Variants in STK31 observed in about 807,000 individuals in gnomAD.
STK31 encodes the protein serine/threonine kinase 31.
In STK31, 89 loss-of-function variants were observed where a neutral mutation model predicts 129.7. The ratio of observed to expected loss-of-function variants is 0.69; its 90% confidence interval spans 0.58 to 0.82. The LOEUF is 0.82. STK31 is among the 40% of genes least tolerant of loss of function. The pLI, the probability that STK31 is intolerant of heterozygous loss-of-function variation, is 0.00. For missense variants in STK31, 1,187 were observed against 1,176.4 expected, an observed-to-expected ratio of 1.01 and a Z score of -0.13; for synonymous variants, 448 against 395.3, an observed-to-expected ratio of 1.13 and a Z score of -1.58.
intron 22 of STK31, among the ~76,000 whole-genome samples, chr7:23,808,341 A>G (rs1792852127): frequency 1.3e-5 from 2 of 151,656 alleles, no homozygotes; most frequent in Non-Finnish European, 2.9e-5. Flanking sequence ...TCAGCACTTT[A>G]TTGAGTTCTT....
chr7:23,826,843 T>C (rs1447443819), intron 23 of STK31, among the ~76,000 whole-genome samples: 1 of 152,192 alleles, frequency 6.6e-6, no homozygotes, highest in Non-Finnish European at 1.5e-5. Context: ...TATTTCTCCT[T>C]CATTTATGAA....
Position 23,735,711 on chromosome 7 carries a change from C to A in STK31, c.657C>A (p.Asp219Glu). 6.2e-7 allele frequency: 1 copy of A among 1,614,016 alleles called. No homozygotes were observed. Among genetic ancestry groups the A allele is most frequent in the Non-Finnish European group, 8.5e-7 (1 of 1,180,020 alleles). ...AEKCRLASRT[D>E]ICEEKKLDPG... The stretch of plus-strand genomic sequence containing the variant: ...AATGCAGACTTGCTTCCAGAACTGA[C>A]ATCTGTGAGGAAAAAAAATTGGATC... Residue 219 changes from aspartate (D) to glutamate (E), a missense_variant, in exon 7 of 24, where the codon GAC becomes GAA. Physicochemically the swap from Asp to Glu is conservative, Grantham distance 45. Coordinates refer to ENST00000355870, the MANE Select transcript of STK31 (RefSeq NM_031414.5).
At chr7:23,808,909 T>A (rs1338361430) in intron 22 of STK31, among the ~76,000 whole-genome samples, 1 of 144,412 alleles carries the variant, frequency 6.9e-6, no homozygotes, top group East Asian at 2.1e-4. Flanking sequence ...TTCCCAGTCC[T>A]GTGGCTACAG....
At chr7:23,821,817 A>T (rs1190974846) in intron 23 of STK31, among the ~76,000 whole-genome samples, 1 of 152,028 alleles carries the variant, frequency 6.6e-6, no homozygotes, top group East Asian at 1.9e-4. Flanking sequence ...TCAATCTTGA[A>T]TTGATTTTTA....
At chr7:23,817,144 TGCCATTGC>T (rs1793515627) in intron 23 of STK31, among the ~76,000 whole-genome samples, 1 of 151,978 alleles carries the variant, frequency 6.6e-6, no homozygotes, top group South Asian at 2.1e-4. Flanking sequence ...GCCGAGATTG[TGCCATTGC>T]ACTCCAGCCT....
intron 8 of STK31, among the ~76,000 whole-genome samples, chr7:23,738,303 G>A (rs117139140): frequency 0.031 from 4,678 of 152,276 alleles, 142 homozygotes; most frequent in Middle Eastern, 0.037. Context: ...CCCTTTCTGA[G>A]TGTGCCACCC....
intron 22 of STK31, among the ~76,000 whole-genome samples, chr7:23,806,870 A>G (rs1792742486): frequency 6.8e-6 from 1 of 146,390 alleles, no homozygotes; most frequent in African/African-American, 2.5e-5. Context: ...ACTGCACTCC[A>G]GCCTGGGTGA....
chr7:23,805,850 T>C (rs1333807620), intron 22 of STK31, among the ~76,000 whole-genome samples: 1 of 152,230 alleles, frequency 6.6e-6, no homozygotes, highest in East Asian at 1.9e-4. Flanking sequence ...CCTCCCTTGG[T>C]GAGAGCACAT....
chr7:23,753,895 C>T (rs1788882157), intron 9 of STK31, among the ~76,000 whole-genome samples: 1 of 152,072 alleles, frequency 6.6e-6, no homozygotes, highest in Admixed American at 6.6e-5. Flanking sequence ...TTGTTTAGAT[C>T]AATTAGCCTA....
chr7:23,769,831 CA>C, intron 13 of STK31, 75 bp downstream of exon 13: 1 of 935,498 alleles, frequency 1.1e-6, no homozygotes, highest in Non-Finnish European at 1.6e-6. Flanking sequence ...AAGTATTAAC[CA>C]ATAATAGAGT....
intron 23 of STK31, among the ~76,000 whole-genome samples, chr7:23,823,357 G>A (rs1793908147): frequency 6.6e-6 from 1 of 152,098 alleles, no homozygotes; most frequent in African/African-American, 2.4e-5. Context: ...GTGATGATGA[G>A]CATTTTTTCA....
intron 3 of STK31, 59 bp downstream of exon 3, chr7:23,712,345 C>A: frequency 6.7e-7 from 1 of 1,496,434 alleles, no homozygotes; most frequent in Admixed American, 1.8e-5. Flanking sequence ...TCCTCCCCAA[C>A]AAAAACAAAA....
intron 22 of STK31, among the ~76,000 whole-genome samples, chr7:23,800,444 A>G (rs1792295474): frequency 6.6e-6 from 1 of 152,188 alleles, no homozygotes; most frequent in South Asian, 2.1e-4. Flanking sequence ...GACATGGGTG[A>G]AGGTGGAAGC....
At chr7:23,799,690 A>G (rs1792239885) in intron 22 of STK31, among the ~76,000 whole-genome samples, 2 of 152,226 alleles carry the variant, frequency 1.3e-5, no homozygotes, top group Non-Finnish European at 2.9e-5. Context: ...CAAAGACTTC[A>G]TGACTAAAAC....
intron 22 of STK31, among the ~76,000 whole-genome samples, chr7:23,798,113 C>G (rs1262354784): frequency 6.6e-6 from 1 of 152,030 alleles, no homozygotes; most frequent in Non-Finnish European, 1.5e-5. Flanking sequence ...TATTAATAGC[C>G]TACCAACCAA....
chr7:23,827,607 T>C (rs572750987), intron 23 of STK31, among the ~76,000 whole-genome samples: 9 of 152,344 alleles, frequency 5.9e-5, no homozygotes, highest in South Asian at 4.1e-4. Context: ...GTCAAAGTCA[T>C]TCTCTGTCCA....
chr7:23,797,194 TAGAC>T (rs1467576490), intron 22 of STK31, among the ~76,000 whole-genome samples: 5 of 149,084 alleles, frequency 3.4e-5, no homozygotes, highest in African/African-American at 4.9e-5. Context: ...CCGTCAATAT[TAGAC>T]AGATCAACGA....
In STK31 at chr7:23,770,652, TCGC is replaced by T. The variant is rs542780534; in HGVS notation, c.1714-351_1714-349del. On this transcript the variant is annotated intron_variant, in intron 13 of 23. Transcript: ENST00000355870. Reference sequence around the variant, plus strand: ...TTTAGAGAGACAGTGTCTTGCTCTGTCGCCCAGGCTGGAGTGCATTGATGTGAT... The same window carrying T: ...TTTAGAGAGACAGTGTCTTGCTCTGTCCAGGCTGGAGTGCATTGATGTGAT... Among the ~76,000 whole-genome samples, 190 of 152,272 alleles carry T rather than the reference TCGC, an allele frequency of 1.2e-3. 3 individuals are homozygous for T. The highest frequency in any genetic ancestry group is 4.7e-4 in the Non-Finnish European group (32 of 68,020).
intron 15 of STK31, among the ~76,000 whole-genome samples, chr7:23,776,375 C>A (rs1790544502): frequency 1.3e-5 from 2 of 151,946 alleles, no homozygotes; most frequent in African/African-American, 4.8e-5. Flanking sequence ...CCCTCTTTTT[C>A]TGTTGTTTGG....
Sources: gnomAD v4.1 joint callset for allele counts (sites outside exome capture counted in the v4.1 genomes callset) on GRCh38, gnomAD v4.1.1 for gene constraint, MANE v1.5 for transcripts, NCBI Gene and HGNC (gene_info 2026-07-23, HGNC 2026-07-21) for gene names.